The following FHIP1A variants were observed in gnomAD, a reference collection of about 807,000 sequenced individuals.
FHIP1A encodes FHF complex subunit HOOK-interacting protein 1A.
In FHIP1A, 61 loss-of-function variants were observed where a neutral mutation model predicts 88.6. That is an observed-to-expected ratio of 0.69 (90% CI 0.56 to 0.85). FHIP1A has a LOEUF of 0.85. FHIP1A is among the 40% of genes least tolerant of loss of function. FHIP1A has a pLI of 0.00. For missense variants in FHIP1A, 1,154 were observed against 1,273.5 expected (o/e 0.91, Z 1.43); for synonymous variants, 478 against 496.0 (o/e 0.96, Z 0.48).
intron 3 of FHIP1A, among the ~76,000 whole-genome samples, chr4:151,546,690 T>C (rs1038782841): frequency 6.6e-5 from 10 of 152,214 alleles, no homozygotes; most frequent in Non-Finnish European, 1.5e-4. Flanking sequence ...GACTGAAGAA[T>C]ATGCCTACTG....
chr4:151,426,029 G>A (rs1733358693), intron 1 of FHIP1A, among the ~76,000 whole-genome samples: 1 of 152,116 alleles, frequency 6.6e-6, no homozygotes, highest in Admixed American at 6.6e-5. Context: ...GGATTAGGAA[G>A]TGAATATCTC....
chr4:151,428,088 T>G (rs1733452834), intron 1 of FHIP1A, among the ~76,000 whole-genome samples: 1 of 152,314 alleles, frequency 6.6e-6, no homozygotes, highest in African/African-American at 2.4e-5. Context: ...TTATAGTATA[T>G]GCTTTTGTGC....
At position 151,638,714 on chromosome 4, in the gene FHIP1A, T is replaced by C. The variant is rs538426374; in HGVS notation, c.1184T>C (p.Ile395Thr). 75 of 1,550,546 alleles carry C rather than the reference T, an allele frequency of 4.8e-5. No individual in the cohort carries two copies. The highest frequency in any genetic ancestry group is 3.3e-4 in the African/African-American group (24 of 73,118). ...VVSLALFRTLIGLHCEDVMLQ... is the reference protein window; with the variant it reads ...VVSLALFRTLTGLHCEDVMLQ... ...TCTCTGGCATTATTCAGAACTCTCATTGGTTTACATTGTGAAGATGTGATG... is the reference window on the plus strand; with the variant it reads ...TCTCTGGCATTATTCAGAACTCTCACTGGTTTACATTGTGAAGATGTGATG... The change falls in exon 9 of 14, where the codon ATT (isoleucine) becomes ACT (threonine). Residue 395 changes from isoleucine (I) to threonine (T), a missense_variant. Ile to Thr is a moderately conservative substitution (Grantham distance 89). Transcript: ENST00000435205.
rs1456853054 is a variant in FHIP1A at position 151,663,022 on chromosome 4, G to A, written c.*268G>A. ...TGTTTTTCCTCCTTATATTTTTTTGGTTGTCATTCTCCTATCCCTTTGAGT... is the reference window on the plus strand; with the variant it reads ...TGTTTTTCCTCCTTATATTTTTTTGATTGTCATTCTCCTATCCCTTTGAGT... On this transcript the variant is annotated 3_prime_UTR_variant, in exon 14 of 14. Coordinates refer to ENST00000435205, the MANE Select transcript of FHIP1A (RefSeq NM_001109977.3). 1 of 326,896 alleles carries A rather than the reference G, an allele frequency of 3.1e-6. No homozygotes were observed. Among genetic ancestry groups the A allele is most frequent in the African/African-American group, 2.2e-5 (1 of 46,334 alleles). 20.2% of individuals were successfully genotyped at this position (326,896 alleles called of 1,614,324 possible). A position where few individuals can be genotyped will look rare whatever the true frequency, so the allele number is the denominator to read the frequency against.
At chr4:151,459,345 A>G (rs933823055) in intron 2 of FHIP1A, among the ~76,000 whole-genome samples, 2 of 152,226 alleles carry the variant, frequency 1.3e-5, no homozygotes, top group Non-Finnish European at 2.9e-5. Flanking sequence ...CTGAAGGATA[A>G]GGAAGCAAAT....
chr4:151,520,088 A>G (rs1278049889), intron 3 of FHIP1A, among the ~76,000 whole-genome samples: 1 of 152,192 alleles, frequency 6.6e-6, no homozygotes, highest in African/African-American at 2.4e-5. Context: ...TAATTTTGAT[A>G]AAGTAATCTT....
At chr4:151,486,250 C>T (rs967087014) in intron 3 of FHIP1A, among the ~76,000 whole-genome samples, 1 of 152,080 alleles carries the variant, frequency 6.6e-6, no homozygotes, top group African/African-American at 2.4e-5. Context: ...GTTGGGGACC[C>T]CCTGCTCTAG....
At chr4:151,444,545 A>G (rs1453621223) in intron 1 of FHIP1A, among the ~76,000 whole-genome samples, 1 of 152,080 alleles carries the variant, frequency 6.6e-6, no homozygotes, top group Non-Finnish European at 1.5e-5. Context: ...CGTTTCTCCT[A>G]TGGTGACCAT....
At chr4:151,564,354 G>A (rs1733296777) in intron 3 of FHIP1A, among the ~76,000 whole-genome samples, 2 of 152,128 alleles carry the variant, frequency 1.3e-5, no homozygotes, top group South Asian at 2.1e-4. Flanking sequence ...GTAGTGTGTA[G>A]AATAACAAGG....
At chr4:151,557,450 A>G (rs747721121) in intron 3 of FHIP1A, among the ~76,000 whole-genome samples, 3 of 152,208 alleles carry the variant, frequency 2.0e-5, no homozygotes, top group Admixed American at 6.5e-5. Context: ...TGCAAAAGAC[A>G]TTGATACACA....
chr4:151,649,890 A>G lies in FHIP1A; in HGVS notation c.1849A>G (p.Ile617Val). 6.4e-7 allele frequency: 1 copy of G among 1,551,474 alleles called. No homozygotes were observed. Among genetic ancestry groups the G allele is most frequent in the Non-Finnish European group, 8.7e-7 (1 of 1,146,930 alleles). ...PPAPIDPPKH[I>V]QEMKKNALLL... is the part of the protein sequence containing the mutation. ...AGCACCCATTGATCCCCCCAAACAC[A>G]TCCAGGAGATGAAGAAGAATGCCCT... is the stretch of plus-strand genomic sequence containing the variant. The change falls in exon 11 of 14, where the codon ATC (isoleucine) becomes GTC (valine). Residue 617 changes from isoleucine to valine, a missense_variant. Physicochemically the swap from Ile to Val is conservative, Grantham distance 29 (BLOSUM62 3). Coordinates refer to ENST00000435205, the MANE Select transcript of FHIP1A (RefSeq NM_001109977.3).
chr4:151,444,813 CAATTT>C (rs1728533451), intron 1 of FHIP1A, among the ~76,000 whole-genome samples: 1 of 152,156 alleles, frequency 6.6e-6, no homozygotes, highest in Non-Finnish European at 1.5e-5. Flanking sequence ...AGATATACTA[CAATTT>C]AATTATCTTT....
At chr4:151,564,935 T>C (rs1219057041) in intron 3 of FHIP1A, among the ~76,000 whole-genome samples, 1 of 152,166 alleles carries the variant, frequency 6.6e-6, no homozygotes, top group African/African-American at 2.4e-5. Context: ...CAGTGTCTAA[T>C]TCTACTCCCC....
intron 3 of FHIP1A, among the ~76,000 whole-genome samples, chr4:151,499,486 A>G (rs551790318): frequency 3.3e-5 from 5 of 152,264 alleles, no homozygotes; most frequent in African/African-American, 7.2e-5. Flanking sequence ...TTCCTTGACC[A>G]TGTTATTCCT....
intron 3 of FHIP1A, among the ~76,000 whole-genome samples, chr4:151,515,436 G>A (rs1277427783): frequency 6.6e-6 from 1 of 151,960 alleles, no homozygotes; most frequent in Admixed American, 6.6e-5. Flanking sequence ...TCAAAATAGT[G>A]TTGGAAGTTC....
At chr4:151,478,075 G>A (rs1168713082) in intron 2 of FHIP1A, among the ~76,000 whole-genome samples, 1 of 152,074 alleles carries the variant, frequency 6.6e-6, no homozygotes, top group Non-Finnish European at 1.5e-5. Flanking sequence ...AATTGTAGTA[G>A]TGTTTATAAT....
chr4:151,468,768 A>G (rs1359315688), intron 2 of FHIP1A, among the ~76,000 whole-genome samples: 1 of 152,174 alleles, frequency 6.6e-6, no homozygotes, highest in Non-Finnish European at 1.5e-5. Context: ...GAATACTGCT[A>G]AGGTAACTTG....
intron 3 of FHIP1A, among the ~76,000 whole-genome samples, chr4:151,523,492 C>G (rs977931870): frequency 3.9e-5 from 6 of 152,166 alleles, no homozygotes; most frequent in Non-Finnish European, 7.3e-5. Flanking sequence ...ACAACATACT[C>G]TCTTTTGTTC....
Position 151,577,916 on chromosome 4 carries a change from G to A in FHIP1A, c.572G>A (p.Gly191Asp). ...ELFFHTSEDQ[G>D]AANFLIFSLL... ...TTCTTCCACACTAGTGAAGACCAAGGCGCTGCCAACTTCCTCATCTTCTCC... is the reference window on the plus strand; with the variant it reads ...TTCTTCCACACTAGTGAAGACCAAGACGCTGCCAACTTCCTCATCTTCTCC... Residue 191 changes from glycine to aspartate, a missense_variant, in exon 5 of 14, where the codon GGC (glycine) becomes GAC (aspartate). Physicochemically the swap from Gly to Asp is moderately conservative, Grantham distance 94. Transcript: ENST00000435205. The A allele has an allele frequency of 6.4e-7, 1 of 1,551,428 alleles. No homozygotes were observed. The highest frequency in any genetic ancestry group is 8.7e-7 in the Non-Finnish European group (1 of 1,146,924).
Sources: gnomAD v4.1 joint callset for allele counts (sites outside exome capture counted in the v4.1 genomes callset) on GRCh38, gnomAD v4.1.1 for gene constraint, MANE v1.5 for transcripts, NCBI Gene and HGNC (gene_info 2026-07-23, HGNC 2026-07-21) for gene names.